The following RIT2 variants were observed in gnomAD, a reference collection of about 807,000 sequenced individuals.
RIT2 encodes GTP-binding protein Rit2.
A neutral mutation model predicts 23.7 loss-of-function variants in RIT2; 24 were observed. That is an observed-to-expected ratio of 1.01 (90% confidence interval 0.73 to 1.43). RIT2 has a LOEUF of 1.43. Ranked by LOEUF, RIT2 falls within the 40% of genes most tolerant of loss-of-function variation. The pLI is 0.00. For synonymous variants in RIT2, 107 were observed against 91.1 expected (o/e 1.17, Z -0.99); for missense variants, 236 against 266.9 (o/e 0.88, Z 0.81).
In RIT2 at chr18:43,001,877, C is replaced by T. The variant is rs1911115964; in HGVS notation, c.161-27730G>A. On this transcript the variant is annotated intron_variant, in intron 2 of 4. Transcript: ENST00000326695. ...AATTAAGATGAGGAATAACTCCTCT[C>T]TCAGCTGGAGTAGATGTGTGTGCAT... is the stretch of plus-strand genomic sequence containing the variant. Among the ~76,000 whole-genome samples, 4 of 151,960 alleles carry T rather than the reference C, an allele frequency of 2.6e-5. No individual in the cohort carries two copies. In the South Asian group the frequency reaches 8.3e-4, roughly 32 times the overall value.
intron 3 of RIT2, among the ~76,000 whole-genome samples, chr18:42,961,878 T>C (rs574342422): frequency 2.8e-4 from 42 of 152,154 alleles, no homozygotes; most frequent in African/African-American, 1.0e-3. Context: ...AGAGTGAGAG[T>C]ACGCATTTTC....
At chr18:42,790,587 C>T (rs1914020899) in intron 4 of RIT2, among the ~76,000 whole-genome samples, 2 of 152,154 alleles carry the variant, frequency 1.3e-5, no homozygotes, top group African/African-American at 4.8e-5. Flanking sequence ...TGCCACCACA[C>T]CCAGCAAATT....
chr18:43,043,001 A>G (rs1009824806), intron 1 of RIT2, among the ~76,000 whole-genome samples: 4 of 152,204 alleles, frequency 2.6e-5, no homozygotes, highest in Non-Finnish European at 4.4e-5. Context: ...ATAGTTTATA[A>G]AAAAGATAAT....
intron 4 of RIT2, among the ~76,000 whole-genome samples, chr18:42,887,333 T>C (rs1403878173): frequency 2.0e-5 from 3 of 152,214 alleles, no homozygotes; most frequent in Admixed American, 2.0e-4. Context: ...CATCATGTTA[T>C]TTAAGATTTT....
rs959620009 is a variant in RIT2, at chr18:42,948,814, C to T, written c.235-25051G>A. Reference sequence around the variant, plus strand: ...AACGCTGTGATGGCAGAACCCTACTCCCAAGTCACCCTCAAACCACCCACT... The same window carrying T: ...AACGCTGTGATGGCAGAACCCTACTTCCAAGTCACCCTCAAACCACCCACT... On this transcript the variant is annotated intron_variant, in intron 3 of 4. Coordinates refer to ENST00000326695, the MANE Select transcript of RIT2 (RefSeq NM_002930.4). Among the ~76,000 whole-genome samples the T allele has an allele frequency of 2.6e-5, 4 of 152,010 alleles. No individual in the cohort carries two copies. In the South Asian group the frequency reaches 6.2e-4, roughly 24 times the overall value.
intron 1 of RIT2, among the ~76,000 whole-genome samples, chr18:43,104,173 C>T (rs889071185): frequency 5.3e-5 from 8 of 152,196 alleles, no homozygotes; most frequent in Admixed American, 3.3e-4. Flanking sequence ...GTTAAGTAAA[C>T]TAAATCAGGC....
intron 4 of RIT2, among the ~76,000 whole-genome samples, chr18:42,804,326 G>A (rs1468092006): frequency 6.6e-6 from 1 of 151,974 alleles, no homozygotes; most frequent in African/African-American, 2.4e-5. Context: ...GGCCAAGGTG[G>A]GTGGATCACT....
intron 4 of RIT2, among the ~76,000 whole-genome samples, chr18:42,860,968 T>G (rs1907311141): frequency 6.6e-6 from 1 of 152,224 alleles, no homozygotes; most frequent in Non-Finnish European, 1.5e-5. Flanking sequence ...TGGGTGTGTG[T>G]GTTTTTGTGT....
Position 43,033,874 on chromosome 18 carries a change from GA to G in RIT2, c.104-8del, listed in dbSNP as rs112790285. 3.6e-5 allele frequency: 57 copies of G among 1,584,112 alleles called. No individual in the cohort carries two copies. The Admixed American group carries it at 7.5e-4, about 21-fold the overall frequency. Reference sequence around the variant, plus strand: ...ATAAACTGCATTGTCATTGCTGAAAGAAAAAAAACACATTTTGTTTAATAAA... The same window carrying G: ...ATAAACTGCATTGTCATTGCTGAAAGAAAAAAACACATTTTGTTTAATAAA... On this transcript the variant is annotated splice_polypyrimidine_tract_variant and splice_region_variant and intron_variant, in intron 1 of 4. Transcript: ENST00000326695.
intron 4 of RIT2, among the ~76,000 whole-genome samples, chr18:42,817,650 T>C (rs905873475): frequency 6.6e-6 from 1 of 152,070 alleles, no homozygotes; most frequent in African/African-American, 2.4e-5. Context: ...GAATTGGAGT[T>C]TGGTCCAGGG....
At chr18:42,780,127 A>C (rs2143930422) in intron 4 of RIT2, among the ~76,000 whole-genome samples, 1 of 126,062 alleles carries the variant, frequency 7.9e-6, no homozygotes, top group Admixed American at 1.0e-4. Flanking sequence ...TCCTGAGGAC[A>C]TGTACCCATG....
At chr18:42,845,760 G>T (rs1238351800) in intron 4 of RIT2, among the ~76,000 whole-genome samples, 1 of 151,322 alleles carries the variant, frequency 6.6e-6, no homozygotes, top group Non-Finnish European at 1.5e-5. Flanking sequence ...AGGTAATTAG[G>T]AAATACTTTT....
intron 4 of RIT2, among the ~76,000 whole-genome samples, chr18:42,826,390 A>C (rs1013923046): frequency 3.0e-4 from 45 of 152,098 alleles, no homozygotes; most frequent in African/African-American, 1.1e-3. Flanking sequence ...TGATAGAGAA[A>C]CAGATTAAGA....
At chr18:43,046,472 C>G (rs1208781219) in intron 1 of RIT2, among the ~76,000 whole-genome samples, 1 of 152,196 alleles carries the variant, frequency 6.6e-6, no homozygotes, top group African/African-American at 2.4e-5. Flanking sequence ...CGGCTCCACA[C>G]AGTACCCTGA....
At chr18:42,864,011 A>G (rs1907401603) in intron 4 of RIT2, among the ~76,000 whole-genome samples, 1 of 151,736 alleles carries the variant, frequency 6.6e-6, no homozygotes, top group Non-Finnish European at 1.5e-5. Context: ...AACTCTATTC[A>G]CAAATTGAAT....
chr18:42,994,812 C>A (rs894450465), intron 2 of RIT2, among the ~76,000 whole-genome samples: 1 of 152,140 alleles, frequency 6.6e-6, no homozygotes, highest in African/African-American at 2.4e-5. Flanking sequence ...CTCTACAGCT[C>A]TCATAATTTC....
intron 4 of RIT2, among the ~76,000 whole-genome samples, chr18:42,905,229 G>A (rs526352): frequency 0.9 from 136,592 of 152,172 alleles, 61,592 homozygotes; most frequent in East Asian, 1. Flanking sequence ...TTCATTGTTC[G>A]GAATATTATT....
Position 42,896,259 on chromosome 18 carries a change from C to T in RIT2, c.426+27313G>A, listed in dbSNP as rs148492741. 1.5e-4 allele frequency among the ~76,000 whole-genome samples: 23 copies of T among 151,962 alleles called. No individual in the cohort carries two copies. In the East Asian group the frequency reaches 3.7e-3, roughly 24 times the overall value. ...AGCCTGGGCAACAAGAGTGAAACTC[C>T]GTCACAAAAAAAATAAAAAAAGTTT... On this transcript the variant is annotated intron_variant, in intron 4 of 4. Coordinates refer to ENST00000326695, the MANE Select transcript of RIT2 (RefSeq NM_002930.4).
At chr18:42,913,197 C>CA (rs200722766) in intron 4 of RIT2, among the ~76,000 whole-genome samples, 29,438 of 102,930 alleles carry the variant, frequency 0.29, 3,401 homozygotes, top group African/African-American at 0.4. Flanking sequence ...ATCCATCAGC[C>CA]AAAAAAAAAA....
Sources: gnomAD v4.1 joint callset for allele counts (sites outside exome capture counted in the v4.1 genomes callset) on GRCh38, gnomAD v4.1.1 for gene constraint, MANE v1.5 for transcripts, NCBI Gene and HGNC (gene_info 2026-07-23, HGNC 2026-07-21) for gene names.